The following XRN2 variants were observed in gnomAD, a reference collection of about 807,000 sequenced individuals.
XRN2 encodes the protein 5'-3' exoribonuclease 2.
In XRN2, 44 loss-of-function variants were observed where a neutral mutation model predicts 138.5. That is an observed-to-expected ratio of 0.32 (90% CI 0.25 to 0.41). The LOEUF (loss-of-function observed/expected upper bound fraction) is 0.41. Ranked by LOEUF, XRN2 falls within the 10% of genes least tolerant of loss-of-function variation. The pLI is 1.00. For synonymous variants in XRN2, 354 were observed against 369.4 expected (o/e 0.96, Z 0.48); for missense variants, 937 against 1,169.3 (o/e 0.80, Z 2.90).
At chr20:21,366,322 C>G (rs927636018) in intron 26 of XRN2, among the ~76,000 whole-genome samples, 1 of 147,580 alleles carries the variant, frequency 6.8e-6, no homozygotes, top group African/African-American at 2.5e-5. Context: ...CTGAGGCAGG[C>G]AGATCATGAG....
chr20:21,341,601 G>A (rs1168574064), intron 15 of XRN2, among the ~76,000 whole-genome samples: 1 of 152,196 alleles, frequency 6.6e-6, no homozygotes, highest in Non-Finnish European at 1.5e-5. Context: ...CAGTGGGACA[G>A]CAACAGGGCT....
At chr20:21,348,559 A>C in intron 19 of XRN2, 129 bp downstream of exon 19, 3 of 800,508 alleles carry the variant, frequency 3.7e-6, no homozygotes, top group Non-Finnish European at 6.0e-6. Context: ...TTTTACTCCA[A>C]ACACACATAT....
chr20:21,383,148 C>T (rs2038903153), intron 28 of XRN2, among the ~76,000 whole-genome samples: 1 of 152,158 alleles, frequency 6.6e-6, no homozygotes, highest in Non-Finnish European at 1.5e-5. Flanking sequence ...ATAGTGTCAA[C>T]TTAGTGCAAG....
intron 26 of XRN2, among the ~76,000 whole-genome samples, chr20:21,367,713 T>C (rs1245425052): frequency 6.6e-6 from 1 of 152,194 alleles, no homozygotes; most frequent in East Asian, 1.9e-4. Context: ...ACATTAGTTG[T>C]TATTGTCATT....
intron 1 of XRN2, among the ~76,000 whole-genome samples, chr20:21,317,438 A>G (rs939464436): frequency 6.6e-6 from 1 of 152,136 alleles, no homozygotes; most frequent in Non-Finnish European, 1.5e-5. Flanking sequence ...CTAACTTTGC[A>G]TTTCTAGGAT....
At chr20:21,304,348 C>CTTTTTTTTT (rs111498218) in intron 1 of XRN2, among the ~76,000 whole-genome samples, 1 of 137,016 alleles carries the variant, frequency 7.3e-6, no homozygotes. Context: ...CTTATTTCTG[C>CTTTTTTTTT]TTTTTTTTTT....
Position 21,330,556 on chromosome 20 carries a change from T to G in XRN2, c.486+17T>G. ...ATTACACCAGTAAGTAGTCTCATAC[T>G]TTGCTAGCTATTGCTAACTCTTAAA... On this transcript the variant is annotated intron_variant, in intron 5 of 29. Coordinates refer to ENST00000377191, the MANE Select transcript of XRN2 (RefSeq NM_012255.5). The G allele has an allele frequency of 6.2e-7, 1 of 1,613,844 alleles. No homozygotes were observed. The highest frequency in any genetic ancestry group is 8.5e-7 in the Non-Finnish European group (1 of 1,179,894).
At chr20:21,372,285 G>C (rs576034578) in intron 27 of XRN2, among the ~76,000 whole-genome samples, 2 of 152,258 alleles carry the variant, frequency 1.3e-5, no homozygotes, top group East Asian at 3.9e-4. Flanking sequence ...GCAATCATGT[G>C]ATATTTAAAT....
chr20:21,375,230 T>C (rs1042840287), intron 27 of XRN2, among the ~76,000 whole-genome samples: 17 of 151,604 alleles, frequency 1.1e-4, no homozygotes, highest in Middle Eastern at 3.4e-3. Flanking sequence ...TGTTTTTTTT[T>C]CCTCCCATTG....
intron 15 of XRN2, among the ~76,000 whole-genome samples, chr20:21,341,548 C>G (rs2038372205): frequency 6.6e-6 from 1 of 152,188 alleles, no homozygotes; most frequent in African/African-American, 2.4e-5. Flanking sequence ...TGTCCACCAC[C>G]TTCCTATTGT....
chr20:21,329,965 T>C (rs766161510), intron 4 of XRN2, among the ~76,000 whole-genome samples: 13 of 152,090 alleles, frequency 8.5e-5, no homozygotes, highest in Non-Finnish European at 1.5e-4. Context: ...GTGTACCATA[T>C]ATTGTTTTAC....
At chr20:21,304,184 C>T (rs1008531793) in intron 1 of XRN2, among the ~76,000 whole-genome samples, 1 of 152,010 alleles carries the variant, frequency 6.6e-6, no homozygotes, top group African/African-American at 2.4e-5. Context: ...AGATTTTTGG[C>T]CATTATTGAG....
chr20:21,377,674 A>G (rs931242390), intron 27 of XRN2, among the ~76,000 whole-genome samples: 9 of 152,090 alleles, frequency 5.9e-5, no homozygotes, highest in African/African-American at 1.7e-4. Context: ...CTATGTATCA[A>G]TCTTTCATCC....
chr20:21,317,403 AATTG>A (rs2037974724), intron 1 of XRN2, among the ~76,000 whole-genome samples: 1 of 151,058 alleles, frequency 6.6e-6, no homozygotes, highest in African/African-American at 2.4e-5. Flanking sequence ...TGATGTGTTT[AATTG>A]ATTGGTTTTT....
intron 1 of XRN2, among the ~76,000 whole-genome samples, chr20:21,304,836 A>G (rs1284330952): frequency 6.6e-6 from 1 of 151,914 alleles, no homozygotes; most frequent in Admixed American, 6.6e-5. Context: ...CTTCCCTTTC[A>G]CCTCAAGTTT....
chr20:21,350,580 C>CTGT (rs1404695110), intron 20 of XRN2, among the ~76,000 whole-genome samples: 2 of 146,058 alleles, frequency 1.4e-5, no homozygotes, highest in Non-Finnish European at 3.0e-5. Flanking sequence ...AGTAAACCAG[C>CTGT]TGTTGTTTCA....
chr20:21,324,433 T>C (rs147974623), intron 1 of XRN2, among the ~76,000 whole-genome samples: 32 of 152,288 alleles, frequency 2.1e-4, no homozygotes, highest in African/African-American at 7.7e-4. Context: ...TATTCGTCCC[T>C]GAGCAATATT....
intron 28 of XRN2, among the ~76,000 whole-genome samples, chr20:21,383,537 T>C (rs754489085): frequency 1.6e-4 from 25 of 152,338 alleles, no homozygotes; most frequent in Non-Finnish European, 2.2e-4. Context: ...GGTCACTCTT[T>C]TGTGCCATTC....
chr20:21,323,698 T>C (rs891741344), intron 1 of XRN2, among the ~76,000 whole-genome samples: 1 of 152,224 alleles, frequency 6.6e-6, no homozygotes, highest in Non-Finnish European at 1.5e-5. Context: ...CTCCGTACTT[T>C]ATTTTTTTTC....
Sources: allele counts gnomAD v4.1 joint callset (sites outside exome capture counted in the v4.1 genomes callset), GRCh38; gene constraint gnomAD v4.1.1; transcripts MANE v1.5; gene names NCBI Gene and HGNC (gene_info 2026-07-23, HGNC 2026-07-21).